The following ZWILCH variants were observed in gnomAD, a reference collection of about 807,000 sequenced individuals.
ZWILCH encodes protein zwilch homolog.
A neutral mutation model predicts 79.9 loss-of-function variants in ZWILCH; 74 were observed. That is an observed-to-expected ratio of 0.93 (90% CI 0.77 to 1.12). ZWILCH has a LOEUF of 1.12. Ranked by LOEUF, ZWILCH falls within the 50% of genes most tolerant of loss-of-function variation. The probability of loss-of-function intolerance (pLI) is 0.00; values close to 1 mark genes in which losing one functional copy is unlikely to be tolerated. For missense variants in ZWILCH, 694 were observed against 687.5 expected (o/e 1.01, Z -0.11); for synonymous variants, 241 against 228.2 (o/e 1.06, Z -0.51).
chr15:66,515,179 G>A (rs1419918529), intron 3 of ZWILCH, among the ~76,000 whole-genome samples: 2 of 151,898 alleles, frequency 1.3e-5, no homozygotes, highest in Non-Finnish European at 2.9e-5. Flanking sequence ...CGACCTCTTG[G>A]GCTTAAGTGA....
Position 66,549,860 on chromosome 15 carries a change from T to TTAAA in ZWILCH, c.*1538_*1541dup. 1 of 462,304 alleles carries TTAAA rather than the reference T, an allele frequency of 2.2e-6. No individual in the cohort carries two copies. Among genetic ancestry groups the TTAAA allele is most frequent in the Non-Finnish European group, 3.9e-6 (1 of 257,250 alleles). 28.6% of individuals were successfully genotyped at this position (462,304 alleles called of 1,614,324 possible). On this transcript the variant is annotated 3_prime_UTR_variant, in exon 19 of 19. Coordinates refer to ENST00000307897, the MANE Select transcript of ZWILCH (RefSeq NM_017975.5). ...TAAAATGTTTATCTTTCATGGTAGA[T>TTAAA]TAAATGCTTTAAAATGCTTATAAAT...
chr15:66,511,915 G>A (rs7179421), intron 2 of ZWILCH, among the ~76,000 whole-genome samples: 133,711 of 152,228 alleles, frequency 0.88, 58,830 homozygotes, highest in East Asian at 0.93. Context: ...GCACCCAGCC[G>A]TGAAAATGCT....
chr15:66,506,497 C>A (rs1365947382), intron 1 of ZWILCH, among the ~76,000 whole-genome samples: 1 of 152,032 alleles, frequency 6.6e-6, no homozygotes, highest in Admixed American at 6.5e-5. Flanking sequence ...GGCAAGACCC[C>A]GTCTCTACTA....
rs546781139 is a variant in ZWILCH at position 66,526,018 on chromosome 15, C to T, written c.820-1272C>T. Among the ~76,000 whole-genome samples, 33 of 152,194 alleles carry T rather than the reference C, an allele frequency of 2.2e-4. 1 individual carries two copies. The South Asian group carries it at 6.4e-3, about 30-fold the overall frequency. ...ACCTCAAGTGATCCACCTGTCTCGG[C>T]CACCCAAAGTGCTGGGATTACAGGC... On this transcript the variant is annotated intron_variant, in intron 8 of 18. Transcript: ENST00000307897.
At chr15:66,527,994 A>G (rs1216254629) in intron 10 of ZWILCH, 82 bp downstream of exon 10, 1 of 1,182,974 alleles carries the variant, frequency 8.5e-7, no homozygotes, top group Non-Finnish European at 1.2e-6. Flanking sequence ...ATGTTGTACC[A>G]TCGCAAATGG....
intron 5 of ZWILCH, among the ~76,000 whole-genome samples, chr15:66,520,347 C>T (rs887536972): frequency 6.6e-6 from 1 of 152,168 alleles, no homozygotes; most frequent in Admixed American, 6.5e-5. Context: ...TCTCGAACTC[C>T]TGGGTTCAAA....
intron 5 of ZWILCH, 162 bp from the exon 6 acceptor site, chr15:66,520,428 A>G (rs1342660480): frequency 1.7e-6 from 1 of 582,222 alleles, no homozygotes; most frequent in Admixed American, 3.3e-5. Context: ...GCCCACTTTC[A>G]TTCTCTTATA....
chr15:66,520,624 A>G lies in ZWILCH; in HGVS notation c.555A>G (p.Leu185=), dbSNP rs150801863. 1.8e-4 allele frequency: 286 copies of G among 1,552,022 alleles called. No individual in the cohort carries two copies. The highest frequency in any genetic ancestry group is 4.7e-4 in the Admixed American group (27 of 57,584). Residue 185 remains leucine (L), a synonymous_variant, in exon 6 of 19, where the codon CTA becomes CTG. Transcript: ENST00000307897. ...ATTATTCTGTAAATCTTGAAAACCTAAAAAATTTACACAAGAAAAGACATC... is the reference window on the plus strand; with the variant it reads ...ATTATTCTGTAAATCTTGAAAACCTGAAAAATTTACACAAGAAAAGACATC... ...DKNYSVNLEN[L]KNLHKKRHHL...
At chr15:66,534,974 C>T (rs1894964944) in intron 14 of ZWILCH, among the ~76,000 whole-genome samples, 1 of 152,006 alleles carries the variant, frequency 6.6e-6, no homozygotes, top group African/African-American at 2.4e-5. Context: ...AATACAAACA[C>T]ATTGTACAGC....
Position 66,505,387 on chromosome 15 carries a change from C to G in ZWILCH, c.49C>G (p.Leu17Val). 1 of 1,614,106 alleles carries G rather than the reference C, an allele frequency of 6.2e-7. No individual in the cohort carries two copies. The highest frequency in any genetic ancestry group is 8.5e-7 in the Non-Finnish European group (1 of 1,179,988). ...AGCAGAGGACTTTTATTCTCGTCTCCTTCAGTGAGTCTAGTCTCTTCTTTT... is the reference window on the plus strand; with the variant it reads ...AGCAGAGGACTTTTATTCTCGTCTCGTTCAGTGAGTCTAGTCTCTTCTTTT... Reference protein sequence around the residue: ...CAAEDFYSRLLQKFNEEKKGI... With the variant: ...CAAEDFYSRLVQKFNEEKKGI... The change falls in exon 1 of 19, where the codon CTT becomes GTT. Residue 17 changes from leucine to valine, a missense_variant. Coordinates refer to ENST00000307897, the MANE Select transcript of ZWILCH (RefSeq NM_017975.5).
chr15:66,540,124 A>C lies in ZWILCH; in HGVS notation c.1601A>C (p.Glu534Ala). 1 of 1,612,106 alleles carries C rather than the reference A, an allele frequency of 6.2e-7. No individual in the cohort carries two copies. ...GAGAAGCCACAGAAATGGAGAGTGG[A>C]AATATATAGTGGTCAAAAGAAGATT... The part of the protein sequence containing the change: ...QSEKPQKWRV[E>A]IYSGQKKIKT... The change falls in exon 17 of 19, where the codon GAA becomes GCA. Residue 534 changes from glutamate (E) to alanine (A), a missense_variant. Transcript: ENST00000307897.
intron 2 of ZWILCH, among the ~76,000 whole-genome samples, chr15:66,512,873 G>A (rs1025177933): frequency 6.6e-6 from 1 of 152,200 alleles, no homozygotes; most frequent in Non-Finnish European, 1.5e-5. Flanking sequence ...TTGGCCCACT[G>A]CAAGCTCCAC....
chr15:66,515,460 G>A, intron 3 of ZWILCH, 66 bp from the exon 4 acceptor site: 1 of 948,634 alleles, frequency 1.1e-6, no homozygotes, highest in Non-Finnish European at 1.7e-6. Context: ...CTGTAGCATA[G>A]TAAAGAGTCA....
chr15:66,535,280 A>C (rs890305001), intron 14 of ZWILCH, among the ~76,000 whole-genome samples: 3 of 152,186 alleles, frequency 2.0e-5, no homozygotes, highest in Non-Finnish European at 2.9e-5. Flanking sequence ...AGTTTTGTTC[A>C]TACCAATATC....
intron 7 of ZWILCH, among the ~76,000 whole-genome samples, chr15:66,522,995 G>T (rs768272029): frequency 1.3e-5 from 2 of 152,226 alleles, no homozygotes; most frequent in South Asian, 4.2e-4. Context: ...GCTAATTTTT[G>T]TAAGTTTAGT....
intron 17 of ZWILCH, among the ~76,000 whole-genome samples, chr15:66,543,112 T>G (rs996347467): frequency 1.3e-5 from 2 of 152,164 alleles, no homozygotes; most frequent in African/African-American, 4.8e-5. Flanking sequence ...GTCAGGAGAA[T>G]TGCTAGACTT....
intron 17 of ZWILCH, among the ~76,000 whole-genome samples, chr15:66,546,275 G>A (rs530935535): frequency 6.6e-6 from 1 of 152,178 alleles, no homozygotes; most frequent in South Asian, 2.1e-4. Flanking sequence ...TGTTAGGATT[G>A]GAGAAAAGAC....
chr15:66,511,134 G>C (rs895491459), intron 2 of ZWILCH, among the ~76,000 whole-genome samples: 1 of 152,086 alleles, frequency 6.6e-6, no homozygotes. Flanking sequence ...TCCAAACTAA[G>C]AAACCAAATG....
chr15:66,535,615 G>T (rs1035422497), intron 14 of ZWILCH, among the ~76,000 whole-genome samples: 2 of 151,420 alleles, frequency 1.3e-5, no homozygotes, highest in African/African-American at 4.9e-5. Flanking sequence ...GGTGGAGGTT[G>T]CAGTGAGCCA....
Sources: allele counts gnomAD v4.1 joint callset (sites outside exome capture counted in the v4.1 genomes callset), GRCh38; gene constraint gnomAD v4.1.1; transcripts MANE v1.5; gene names NCBI Gene and HGNC (gene_info 2026-07-23, HGNC 2026-07-21).